Variants in STAM2 observed in about 807,000 individuals in gnomAD.
The protein encoded by STAM2 is signal transducing adaptor molecule 2.
A neutral mutation model predicts 65.6 loss-of-function variants in STAM2; 51 were observed. The ratio of observed to expected loss-of-function variants is 0.78; its 90% confidence interval spans 0.62 to 0.98. STAM2 has a LOEUF of 0.98. STAM2 is among the 50% of genes least tolerant of loss of function. STAM2 has a pLI of 0.00. For missense variants in STAM2, 584 were observed against 617.8 expected (o/e 0.95, Z 0.58); for synonymous variants, 198 against 208.4 (o/e 0.95, Z 0.43).
intron 1 of STAM2, among the ~76,000 whole-genome samples, chr2:152,172,640 G>A (rs764267343): frequency 2.0e-5 from 3 of 151,930 alleles, no homozygotes; most frequent in Admixed American, 1.3e-4. Context: ...AGGCCGAGGC[G>A]GGCAGATCAC....
intron 1 of STAM2, among the ~76,000 whole-genome samples, 155 bp from the exon 2 acceptor site, chr2:152,150,384 A>G (rs12986774): frequency 6.6e-6 from 1 of 152,378 alleles, no homozygotes; most frequent in East Asian, 1.9e-4. Context: ...ACTAACTTCA[A>G]TTTTAAATTG....
chr2:152,124,514 CAGCAAAAATGGTTT>C (rs1560209228), intron 12 of STAM2: 1 of 152,236 alleles, frequency 6.6e-6, no homozygotes, highest in African/African-American at 2.4e-5. Flanking sequence ...CCTCAGGAAA[CAGCAAAAATGGTTT>C]AGGTCTCTTT....
At chr2:152,162,366 G>A (rs1285099109) in intron 1 of STAM2, among the ~76,000 whole-genome samples, 2 of 151,992 alleles carry the variant, frequency 1.3e-5, no homozygotes, top group Non-Finnish European at 2.9e-5. Context: ...GAGAGTCCAG[G>A]AGTTCAAGAC....
chr2:152,128,371 C>T (rs928899426), intron 11 of STAM2, among the ~76,000 whole-genome samples: 1 of 151,878 alleles, frequency 6.6e-6, no homozygotes, highest in Admixed American at 6.6e-5. Flanking sequence ...CGAGATTGCA[C>T]CACTGCACTC....
chr2:152,119,525 C>A lies in STAM2; in HGVS notation c.*1049G>T, dbSNP rs533161094. Reference sequence around the variant, plus strand: ...TAAAAAAACAACACACCACTAAAAACACACTTATCATCCATGCTTGGTATA... The same window carrying A: ...TAAAAAAACAACACACCACTAAAAAAACACTTATCATCCATGCTTGGTATA... On this transcript the variant is annotated 3_prime_UTR_variant, in exon 14 of 14. Coordinates refer to ENST00000263904, the MANE Select transcript of STAM2 (RefSeq NM_005843.6). The A allele has an allele frequency of 2.0e-5, 3 of 152,260 alleles. No individual in the cohort carries two copies. The highest frequency in any genetic ancestry group is 7.2e-5 in the African/African-American group (3 of 41,562). The allele number at this position is 152,260 out of a possible 1,614,324, so 9.4% of individuals were successfully genotyped here.
At position 152,134,470 on chromosome 2, in the gene STAM2, T is replaced by C. The variant is rs1324561408; in HGVS notation, c.800-986A>G. ...AGTACTCTATATTCAAATCAGTGAGTATCAACCTCTCACGACTTCATTTTT... is the reference window on the plus strand; with the variant it reads ...AGTACTCTATATTCAAATCAGTGAGCATCAACCTCTCACGACTTCATTTTT... On this transcript the variant is annotated intron_variant, in intron 8 of 13. Coordinates refer to ENST00000263904, the MANE Select transcript of STAM2 (RefSeq NM_005843.6). Among the ~76,000 whole-genome samples, 4 of 152,284 alleles carry C rather than the reference T, an allele frequency of 2.6e-5. No homozygotes were observed. In the East Asian group the frequency reaches 7.7e-4, roughly 29 times the overall value.
chr2:152,155,176 G>A (rs1451873535), intron 1 of STAM2, among the ~76,000 whole-genome samples: 1 of 152,076 alleles, frequency 6.6e-6, no homozygotes, highest in Non-Finnish European at 1.5e-5. Flanking sequence ...ACAGTATTTA[G>A]GGCACGAAGT....
At chr2:152,155,357 T>G (rs958826138) in intron 1 of STAM2, among the ~76,000 whole-genome samples, 6 of 152,230 alleles carry the variant, frequency 3.9e-5, no homozygotes, top group Non-Finnish European at 8.8e-5. Flanking sequence ...GTTTGGCTGA[T>G]GTGTGCAAAG....
Position 152,117,082 on chromosome 2 carries a change from T to A in STAM2, c.*3492A>T, listed in dbSNP as rs754352623. 1.3e-5 allele frequency: 2 copies of A among 152,200 alleles called. No individual in the cohort carries two copies. Among genetic ancestry groups the A allele is most frequent in the African/African-American group, 2.4e-5 (1 of 41,434 alleles). 9.4% of individuals were successfully genotyped at this position (152,200 alleles called of 1,614,324 possible). ...AAATTTGGAGGGACACTATTCACTA[T>A]ATCACACAAGCAACATAATGCCTCT... is the stretch of plus-strand genomic sequence containing the variant. On this transcript the variant is annotated 3_prime_UTR_variant, in exon 14 of 14. Transcript: ENST00000263904.
intron 1 of STAM2, among the ~76,000 whole-genome samples, chr2:152,166,193 A>G (rs1177600286): frequency 2.0e-5 from 3 of 152,074 alleles, no homozygotes; most frequent in Non-Finnish European, 4.4e-5. Flanking sequence ...AACAACAACG[A>G]CAAAGCCCAC....
chr2:152,160,097 C>T (rs1021528570), intron 1 of STAM2, among the ~76,000 whole-genome samples: 5 of 152,352 alleles, frequency 3.3e-5, no homozygotes, highest in South Asian at 4.1e-4. Context: ...ACCTCCCAGC[C>T]GCCTGCCTTG....
chr2:152,160,735 C>T (rs1263885584), intron 1 of STAM2, among the ~76,000 whole-genome samples: 2 of 143,328 alleles, frequency 1.4e-5, no homozygotes, highest in Non-Finnish European at 3.1e-5. Context: ...CTGCCCCATC[C>T]GGGAGGTGAG....
chr2:152,155,399 A>C (rs974648951), intron 1 of STAM2, among the ~76,000 whole-genome samples: 5 of 152,226 alleles, frequency 3.3e-5, no homozygotes, highest in Non-Finnish European at 5.9e-5. Flanking sequence ...ACTGCTGAGC[A>C]TACAAATATT....
At chr2:152,126,852 G>C (rs189891147) in intron 11 of STAM2, among the ~76,000 whole-genome samples, 1 of 152,158 alleles carries the variant, frequency 6.6e-6, no homozygotes, top group African/African-American at 2.4e-5. Context: ...GACTGACTGT[G>C]GGCGGAGTCT....
intron 8 of STAM2, among the ~76,000 whole-genome samples, chr2:152,134,248 G>T (rs1689113524): frequency 6.6e-6 from 1 of 152,074 alleles, no homozygotes; most frequent in Non-Finnish European, 1.5e-5. Context: ...TCAAAGAACA[G>T]AAGTCAGCAT....
At position 152,125,778 on chromosome 2, in the gene STAM2, C is replaced by T. The variant is rs990232418; in HGVS notation, c.1179+448G>A. Among the ~76,000 whole-genome samples, 3 of 152,160 alleles carry T rather than the reference C, an allele frequency of 2.0e-5. No homozygotes were observed. In the East Asian group the frequency reaches 5.8e-4, roughly 29 times the overall value. On this transcript the variant is annotated intron_variant, in intron 12 of 13. Coordinates refer to ENST00000263904, the MANE Select transcript of STAM2 (RefSeq NM_005843.6). Reference sequence around the variant, plus strand: ...TAATAATCATGTAAGTCAAATAAATCTTTATGGAAATTTGTAAAGAAATGT... The same window carrying T: ...TAATAATCATGTAAGTCAAATAAATTTTTATGGAAATTTGTAAAGAAATGT...
chr2:152,147,366 A>T, intron 4 of STAM2, 58 bp from the exon 5 acceptor site: 2 of 1,411,120 alleles, frequency 1.4e-6, no homozygotes, highest in Non-Finnish European at 1.9e-6. Flanking sequence ...TAAGTACTTA[A>T]ATTATTTAAC....
intron 1 of STAM2, among the ~76,000 whole-genome samples, chr2:152,170,607 A>G (rs1193009987): frequency 6.6e-6 from 1 of 152,264 alleles, no homozygotes; most frequent in African/African-American, 2.4e-5. Context: ...ATAGGACAAC[A>G]GATAATGCAT....
chr2:152,166,959 A>T (rs1018876023), intron 1 of STAM2, among the ~76,000 whole-genome samples: 1 of 152,224 alleles, frequency 6.6e-6, no homozygotes, highest in African/African-American at 2.4e-5. Context: ...CGACCAAGAA[A>T]ATAGTTTGCG....
Sources: allele counts gnomAD v4.1 joint callset (sites outside exome capture counted in the v4.1 genomes callset), GRCh38; gene constraint gnomAD v4.1.1; transcripts MANE v1.5; gene names NCBI Gene and HGNC (gene_info 2026-07-23, HGNC 2026-07-21).